RANBP2: variants seen among roughly 807,000 people sequenced by gnomAD.
RANBP2 encodes the protein RAN binding protein 2, also known as E3 SUMO-protein ligase RanBP2.
RANBP2 carries 57 observed loss-of-function variants against 303.6 expected under a neutral mutation model. The observed-to-expected ratio is 0.19, with a 90% CI of 0.15 to 0.23. The LOEUF is 0.23. Among genes scored for constraint, RANBP2 ranks in the 10% least tolerant of loss-of-function variants. The probability of loss-of-function intolerance (pLI) is 1.00; values close to 1 mark genes in which losing one functional copy is unlikely to be tolerated. For synonymous variants in RANBP2, 1,167 were observed against 1,301.5 expected, an observed-to-expected ratio of 0.90 and a Z score of 2.23; for missense variants, 3,138 against 3,780.8, an observed-to-expected ratio of 0.83 and a Z score of 4.46.
chr2:108,966,025 C>T, the RANBP2 span, among the ~76,000 whole-genome samples: 13 of 152,196 alleles, frequency 8.5e-5, no homozygotes, highest in Non-Finnish European at 1.3e-4. Context: ...ACAACTGGGG[C>T]TGTTAATACC....
At chr2:108,781,489 C>T in intron 26 of RANBP2, 60 bp downstream of exon 26, 1 of 1,499,358 alleles carries the variant, frequency 6.7e-7, no homozygotes, top group Non-Finnish European at 9.2e-7. Context: ...AAGTTTTACC[C>T]TGGCTTGATC....
chr2:109,203,197 A>C, the RANBP2 span, among the ~76,000 whole-genome samples: 2 of 152,188 alleles, frequency 1.3e-5, no homozygotes, highest in African/African-American at 4.8e-5. Flanking sequence ...CTTGCCCGCA[A>C]GAAGGACCCT....
At chr2:108,812,949 A>T in the RANBP2 span, 1 of 1,609,384 alleles carries the variant, frequency 6.2e-7, no homozygotes. Context: ...TTATGATTTG[A>T]TATGATTGAA....
At chr2:109,075,042 A>G in the RANBP2 span, among the ~76,000 whole-genome samples, 2 of 123,234 alleles carry the variant, frequency 1.6e-5, no homozygotes, top group Non-Finnish European at 3.7e-5. Flanking sequence ...AAAAAAAAAA[A>G]AAAAAAAGAA....
the RANBP2 span, among the ~76,000 whole-genome samples, chr2:109,553,875 C>A: frequency 1.5e-4 from 22 of 150,680 alleles, no homozygotes; most frequent in African/African-American, 4.4e-4. Flanking sequence ...AAAAGTGATA[C>A]AATAAACTTT....
the RANBP2 span, among the ~76,000 whole-genome samples, chr2:109,060,961 A>G: frequency 6.6e-6 from 1 of 152,192 alleles, no homozygotes; most frequent in East Asian, 1.9e-4. Flanking sequence ...ACCCTAAGGA[A>G]GCAGGTATTA....
At chr2:108,994,691 GA>G in the RANBP2 span, among the ~76,000 whole-genome samples, 1 of 151,744 alleles carries the variant, frequency 6.6e-6, no homozygotes, top group Non-Finnish European at 1.5e-5. Flanking sequence ...GGGGAAAGGG[GA>G]TTATGGGGTC....
At position 108,785,738 on chromosome 2, in the gene RANBP2, T is replaced by C. The variant is rs1678579977; in HGVS notation, c.*1837T>C. 3 of 152,238 alleles carry C rather than the reference T, an allele frequency of 2.0e-5. No homozygotes were observed. The highest frequency in any genetic ancestry group is 7.2e-5 in the African/African-American group (3 of 41,446). The allele number at this position is 152,238 out of a possible 1,614,324, so 9.4% of individuals were successfully genotyped here. A position where few individuals can be genotyped will look rare whatever the true frequency, so the allele number is the denominator to read the frequency against. On this transcript the variant is annotated 3_prime_UTR_variant, in exon 29 of 29. Transcript: ENST00000283195. ...TCTAAACCCACGATAATATGTATCT[T>C]TCCTTTTAAACTGGATTTTATGTTG...
the RANBP2 span, among the ~76,000 whole-genome samples, chr2:108,906,944 C>T: frequency 1.3e-5 from 2 of 152,236 alleles, no homozygotes; most frequent in Admixed American, 6.5e-5. Flanking sequence ...AGGATCCCAA[C>T]TGGGCATTTT....
At chr2:108,929,751 G>A in the RANBP2 span, among the ~76,000 whole-genome samples, 8 of 152,196 alleles carry the variant, frequency 5.3e-5, no homozygotes, top group Non-Finnish European at 8.8e-5. Context: ...GAACACTCAG[G>A]CTTAGCTTGC....
the RANBP2 span, among the ~76,000 whole-genome samples, chr2:108,868,249 A>C: frequency 6.6e-6 from 1 of 152,198 alleles, no homozygotes. Context: ...GTCAGATATC[A>C]TATTAGTATA....
the RANBP2 span, among the ~76,000 whole-genome samples, chr2:109,011,760 C>G: frequency 6.6e-6 from 1 of 152,152 alleles, no homozygotes; most frequent in African/African-American, 2.4e-5. Flanking sequence ...TACTTGAATT[C>G]AAAACCCATC....
the RANBP2 span, among the ~76,000 whole-genome samples, chr2:109,518,623 T>C: frequency 6.6e-6 from 1 of 152,246 alleles, no homozygotes; most frequent in East Asian, 1.9e-4. Context: ...AATATGTGCA[T>C]ACTGAATCAA....
At chr2:109,719,488 C>T in the RANBP2 span, among the ~76,000 whole-genome samples, 1 of 150,984 alleles carries the variant, frequency 6.6e-6, no homozygotes. Context: ...CTCACTGCAA[C>T]CTCTGGCTCC....
At chr2:109,432,305 C>T in the RANBP2 span, among the ~76,000 whole-genome samples, 1 of 152,158 alleles carries the variant, frequency 6.6e-6, no homozygotes, top group Admixed American at 6.5e-5. Flanking sequence ...CCGAAGGCTC[C>T]CTGCCTCGTG....
the RANBP2 span, among the ~76,000 whole-genome samples, chr2:109,249,457 TTC>T: frequency 1.2e-4 from 18 of 147,082 alleles, no homozygotes; most frequent in Admixed American, 4.8e-4. Flanking sequence ...CTCTCTCTCT[TTC>T]TCTCTTTCTC....
the RANBP2 span, among the ~76,000 whole-genome samples, chr2:109,307,956 G>A: frequency 3.0e-3 from 400 of 134,916 alleles, no homozygotes; most frequent in Middle Eastern, 0.016. Flanking sequence ...GGATGGCTGG[G>A]TCAAATGGTA....
chr2:108,734,012 A>G (rs1465967747), intron 4 of RANBP2, among the ~76,000 whole-genome samples: 2 of 150,996 alleles, frequency 1.3e-5, no homozygotes, highest in Non-Finnish European at 3.0e-5. Context: ...TATGAGATAG[A>G]ACTTTTTAAA....
the RANBP2 span, among the ~76,000 whole-genome samples, chr2:109,255,170 C>A: frequency 1.3e-5 from 2 of 152,056 alleles, no homozygotes; most frequent in African/African-American, 4.8e-5. Flanking sequence ...GCAACTCTTG[C>A]TTTGTGTGTG....
Sources: gnomAD v4.1 joint callset for allele counts (sites outside exome capture counted in the v4.1 genomes callset) on GRCh38, gnomAD v4.1.1 for gene constraint, MANE v1.5 for transcripts, NCBI Gene and HGNC (gene_info 2026-07-23, HGNC 2026-07-21) for gene names.